ART3: variants seen among roughly 807,000 people sequenced by gnomAD.
The protein encoded by ART3 is ADP-ribosyltransferase 3 (inactive).
Under a neutral mutation model 48.5 loss-of-function variants are expected in ART3, and 49 were observed. The ratio of observed to expected loss-of-function variants is 1.01; its 90% CI spans 0.80 to 1.28. The LOEUF is 1.28. Ranked by LOEUF, ART3 falls within the 50% of genes most tolerant of loss-of-function variation. ART3 has a pLI of 0.00. For missense variants in ART3, 438 were observed against 454.3 expected, an observed-to-expected ratio of 0.96 and a Z score of 0.33; for synonymous variants, 145 against 157.2, an observed-to-expected ratio of 0.92 and a Z score of 0.58.
At chr4:76,103,003 CT>C (rs1411976598) in intron 8 of ART3, among the ~76,000 whole-genome samples, 1 of 152,074 alleles carries the variant, frequency 6.6e-6, no homozygotes, top group Non-Finnish European at 1.5e-5. Flanking sequence ...TTTTTGTTAC[CT>C]TGTCCTCTGC....
intron 1 of ART3, chr4:76,035,315 C>A (rs1436351705): frequency 6.2e-7 from 1 of 1,614,030 alleles, no homozygotes; most frequent in South Asian, 1.1e-5. Flanking sequence ...TATGCAAAGA[C>A]AGCGTCCTCT....
intron 3 of ART3, among the ~76,000 whole-genome samples, chr4:76,093,027 C>T (rs556165578): frequency 3.1e-4 from 47 of 152,244 alleles, no homozygotes; most frequent in African/African-American, 1.1e-3. Context: ...CATTCCTTCC[C>T]AGGAGCTTAG....
intron 9 of ART3, 26 bp downstream of exon 9, chr4:76,103,995 T>C: frequency 6.2e-7 from 1 of 1,609,576 alleles, no homozygotes; most frequent in Non-Finnish European, 8.5e-7. Context: ...ATTTACTCCC[T>C]GAGCCCAAGA....
intron 1 of ART3, chr4:76,034,638 A>G (rs1734179852): frequency 1.5e-6 from 1 of 672,486 alleles, no homozygotes; most frequent in Admixed American, 3.2e-5. Context: ...CCCACCTTTC[A>G]TCCTTCACAT....
intron 1 of ART3, among the ~76,000 whole-genome samples, chr4:76,069,630 T>C (rs1578404011): frequency 6.6e-6 from 1 of 151,960 alleles, no homozygotes; most frequent in African/African-American, 2.4e-5. Flanking sequence ...TCTCAAGTGA[T>C]CCGCCTGCCT....
chr4:76,082,617 G>C, intron 3 of ART3, 82 bp downstream of exon 3: 1 of 1,159,058 alleles, frequency 8.6e-7, no homozygotes, highest in South Asian at 1.7e-5. Flanking sequence ...TGAAAGGAGA[G>C]TGAGAGGTGT....
In ART3 at chr4:76,107,801, G is replaced by A. The variant is rs112025788; in HGVS notation, c.1036+8G>A. 1.0e-3 allele frequency: 1,492 copies of A among 1,468,446 alleles called. 16 individuals carry two copies. The African/African-American group carries it at 0.02, about 20-fold the overall frequency. The allele number at this position is 1,468,446 out of a possible 1,614,324, so 91.0% of individuals were successfully genotyped here. A position where few individuals can be genotyped will look rare whatever the true frequency, so the allele number is the denominator to read the frequency against. On this transcript the variant is annotated splice_region_variant and intron_variant, in intron 11 of 11. Coordinates refer to ENST00000355810, the MANE Select transcript of ART3 (RefSeq NM_001130016.3). ...GAAATATCAACAATCCTAGTAAGAA[G>A]TATCTCATTTCCTCAGTTGATAAAT... is the stretch of plus-strand genomic sequence containing the variant.
At chr4:76,069,447 T>C (rs35776769) in intron 1 of ART3, among the ~76,000 whole-genome samples, 1 of 141,326 alleles carries the variant, frequency 7.1e-6, no homozygotes, top group Non-Finnish European at 1.5e-5. Context: ...TGGAGTGCGG[T>C]GGCACTATCT....
Position 76,075,915 on chromosome 4 carries a change from TCACCA to T in ART3, c.27_31del (p.Thr10AlafsTer16). The T allele has an allele frequency of 6.2e-7, 1 of 1,613,164 alleles. No homozygotes were observed. Among genetic ancestry groups the T allele is most frequent in the South Asian group, 1.1e-5 (1 of 90,962 alleles). ...ATGAAGACGGGACATTTTGAAATAG[TCACCA>T]TGCTGCTGGCAACCATGATTCTAGT... On this transcript the variant is annotated frameshift_variant, in exon 2 of 12. Transcript: ENST00000355810. LOFTEE classifies it high-confidence loss of function.
At chr4:76,109,522 T>C (rs1009789572) in intron 11 of ART3, among the ~76,000 whole-genome samples, 1 of 151,812 alleles carries the variant, frequency 6.6e-6, no homozygotes, top group Non-Finnish European at 1.5e-5. Flanking sequence ...ATTAAAAGTA[T>C]AGTAAGTACA....
chr4:76,064,834 A>ATTTT (rs5859490), intron 1 of ART3, among the ~76,000 whole-genome samples: 1 of 146,140 alleles, frequency 6.8e-6, no homozygotes, highest in Admixed American at 6.8e-5. Context: ...TATTGAGTAA[A>ATTTT]TTTTTTTTTT....
rs545880579 is a variant in ART3 at position 76,076,860 on chromosome 4, T to C, written c.69+902T>C. Among the ~76,000 whole-genome samples the C allele has an allele frequency of 2.0e-5, 3 of 152,310 alleles. No homozygotes were observed. The South Asian group carries it at 6.2e-4, about 32-fold the overall frequency. The stretch of plus-strand genomic sequence containing the variant: ...CACTTGATTTTTTTTCCCCACGTTG[T>C]TAGCTGCCACATTACTTGTGGGTAT... On this transcript the variant is annotated intron_variant, in intron 2 of 11. Coordinates refer to ENST00000355810, the MANE Select transcript of ART3 (RefSeq NM_001130016.3).
intron 1 of ART3, chr4:76,035,144 T>C: frequency 1.9e-6 from 3 of 1,613,342 alleles, no homozygotes; most frequent in Non-Finnish European, 2.5e-6. Context: ...TACAAGAGTC[T>C]TAAAGTTTAG....
At chr4:76,098,390 G>A (rs1384990110) in intron 4 of ART3, among the ~76,000 whole-genome samples, 1 of 152,106 alleles carries the variant, frequency 6.6e-6, no homozygotes, top group Non-Finnish European at 1.5e-5. Flanking sequence ...TCATTAAAAA[G>A]TTTAAAAACA....
intron 2 of ART3, 90 bp from the exon 3 acceptor site, chr4:76,081,734 G>A (rs1722521047): frequency 1.5e-6 from 2 of 1,375,640 alleles, no homozygotes; most frequent in Non-Finnish European, 1.0e-6. Context: ...ATTTTGGCAA[G>A]GGATGAGAAG....
At chr4:76,042,111 T>A (rs7684889) in intron 1 of ART3, among the ~76,000 whole-genome samples, 92,974 of 152,070 alleles carry the variant, frequency 0.61, 29,507 homozygotes, top group East Asian at 0.94. Flanking sequence ...CCATAAGTAA[T>A]CACCTTTTCA....
intron 1 of ART3, among the ~76,000 whole-genome samples, chr4:76,045,107 G>A (rs1238647560): frequency 6.6e-6 from 1 of 152,112 alleles, no homozygotes; most frequent in African/African-American, 2.4e-5. Flanking sequence ...GCTTTCAAGT[G>A]TGGTTACATC....
intron 3 of ART3, among the ~76,000 whole-genome samples, chr4:76,084,314 G>T (rs1026670867): frequency 6.6e-6 from 1 of 152,152 alleles, no homozygotes; most frequent in African/African-American, 2.4e-5. Flanking sequence ...TGGGGGTTCT[G>T]CAGAAGTTTC....
chr4:76,104,547 A>G (rs1193820933), intron 9 of ART3, 50 bp from the exon 10 acceptor site: 6 of 1,551,182 alleles, frequency 3.9e-6, no homozygotes, highest in Non-Finnish European at 5.2e-6. Flanking sequence ...TTTGAAAATT[A>G]TACTCAGTGG....
Sources: gnomAD v4.1 joint callset for allele counts (sites outside exome capture counted in the v4.1 genomes callset) on GRCh38, gnomAD v4.1.1 for gene constraint, MANE v1.5 for transcripts, NCBI Gene and HGNC (gene_info 2026-07-23, HGNC 2026-07-21) for gene names.